TTC21B: variants seen among roughly 807,000 people sequenced by gnomAD.
The protein encoded by TTC21B is tetratricopeptide repeat protein 21B.
A neutral mutation model predicts 175.1 loss-of-function variants in TTC21B; 127 were observed. The ratio of observed to expected loss-of-function variants is 0.73; its 90% confidence interval spans 0.63 to 0.84. TTC21B has a LOEUF of 0.84. Ranked by LOEUF, TTC21B falls within the 40% of genes least tolerant of loss-of-function variation. TTC21B has a pLI of 0.00. For synonymous variants in TTC21B, 524 were observed against 524.5 expected (o/e 1.00, Z 0.01); for missense variants, 1,561 against 1,558.3 (o/e 1.00, Z -0.03).
chr2:165,891,182 G>C (rs538455384), intron 22 of TTC21B, among the ~76,000 whole-genome samples, 194 bp from the exon 23 acceptor site: 1 of 151,898 alleles, frequency 6.6e-6, no homozygotes, highest in Non-Finnish European at 1.5e-5. Context: ...ATACAGTTTG[G>C]GCTAGGCTGG....
rs112062958 is a variant in TTC21B at position 165,896,849 on chromosome 2, T to C, written c.2950+1837A>G. Among the ~76,000 whole-genome samples, 1,362 of 152,350 alleles carry C rather than the reference T, an allele frequency of 8.9e-3. 14 individuals are homozygous for C. Among genetic ancestry groups the C allele is most frequent in the African/African-American group, 0.03 (1,249 of 41,580 alleles). ...TAAAAGATAACATTTCCCACCTTCT[T>C]TTGCAGCCACGGAGGTGATACTACT... is the stretch of plus-strand genomic sequence containing the variant. On this transcript the variant is annotated intron_variant, in intron 22 of 28. Transcript: ENST00000243344.
rs1687522900 is a variant in TTC21B at position 165,945,546 on chromosome 2, T to C, written c.407A>G (p.Lys136Arg). 4 of 1,613,520 alleles carry C rather than the reference T, an allele frequency of 2.5e-6. No individual in the cohort carries two copies. Among genetic ancestry groups the C allele is most frequent in the Admixed American group, 1.7e-5 (1 of 60,002 alleles). ...TACCTGTTTACTACCATCTGATATT[T>C]TGATCATTCTGTCAATATATTCCCT... The part of the protein sequence containing the change: ...KAREYIDRMI[K>R]ISDGSKQGHV... The change falls in exon 4 of 29, where the codon AAA becomes AGA. Residue 136 changes from lysine to arginine, a missense_variant. By Grantham distance (26) the Lys-to-Arg change is conservative. Coordinates refer to ENST00000243344, the MANE Select transcript of TTC21B (RefSeq NM_024753.5).
At chr2:165,880,953 G>A (rs1222973098) in intron 26 of TTC21B, among the ~76,000 whole-genome samples, 154 bp from the exon 27 acceptor site, 1 of 152,108 alleles carries the variant, frequency 6.6e-6, no homozygotes, top group African/African-American at 2.4e-5. Context: ...ATTTTTTACT[G>A]AACTTAATAA....
At chr2:165,919,910 CTAAGGATA>C (rs1439108264) in intron 12 of TTC21B, among the ~76,000 whole-genome samples, 3 of 151,874 alleles carry the variant, frequency 2.0e-5, no homozygotes, top group African/African-American at 7.3e-5. Context: ...CAAAAAAGGC[CTAAGGATA>C]TACTTCAGAG....
chr2:165,951,890 G>A (rs1332057685), intron 1 of TTC21B, among the ~76,000 whole-genome samples: 2 of 152,176 alleles, frequency 1.3e-5, no homozygotes, highest in African/African-American at 4.8e-5. Context: ...AAAACTGAAT[G>A]TGGTGTGAGG....
chr2:165,901,865 G>A lies in TTC21B; in HGVS notation c.2614C>T (p.Gln872Ter), dbSNP rs1168548075. Residue 872 changes from glutamine (Q) to a stop codon, truncating the protein, a stop_gained, in exon 20 of 29, where the codon CAG (glutamine) becomes TAG (stop). Transcript: ENST00000243344. LOFTEE classifies it high-confidence loss of function. The stretch of plus-strand genomic sequence containing the variant: ...TTCTGTGCAGGAACTGCATCTGGCT[G>A]TTCCATCTGAACACGTTTTAGTACC... The part of the protein sequence containing the change: ...ARVLKRVQME[Q>*]PDAVPAQKHL... The A allele has an allele frequency of 1.2e-6, 2 of 1,613,456 alleles. No individual in the cohort carries two copies. The highest frequency in any genetic ancestry group is 1.7e-5 in the Admixed American group (1 of 59,948).
At chr2:165,949,330 T>C in intron 3 of TTC21B, 64 bp downstream of exon 3, 1 of 1,216,804 alleles carries the variant, frequency 8.2e-7, no homozygotes, top group Non-Finnish European at 1.2e-6. Context: ...ACTTGGTAAC[T>C]GAGAAAAATA....
At chr2:165,930,067 A>C (rs1199274496) in intron 9 of TTC21B, 105 bp downstream of exon 9, 3 of 1,088,372 alleles carry the variant, frequency 2.8e-6, no homozygotes, top group Non-Finnish European at 4.1e-6. Context: ...AGAACAATTT[A>C]AGTTTAGAAA....
chr2:165,889,269 C>T (rs915528741), intron 24 of TTC21B, among the ~76,000 whole-genome samples: 4 of 152,184 alleles, frequency 2.6e-5, no homozygotes, highest in Non-Finnish European at 5.9e-5. Flanking sequence ...CAAAGTTCTT[C>T]TCCCTTGGCT....
chr2:165,916,404 A>C (rs1686178587), intron 14 of TTC21B, among the ~76,000 whole-genome samples: 1 of 152,206 alleles, frequency 6.6e-6, no homozygotes, highest in Non-Finnish European at 1.5e-5. Flanking sequence ...AATGACTTTG[A>C]GTTCCTCATT....
At chr2:165,891,074 T>G in intron 22 of TTC21B, 86 bp from the exon 23 acceptor site, 1 of 1,165,130 alleles carries the variant, frequency 8.6e-7, no homozygotes, top group Non-Finnish European at 1.3e-6. Context: ...AGAGTATAAT[T>G]TACTTCATAT....
At chr2:165,937,771 C>CCACACACCACACA (rs1205195669) in intron 6 of TTC21B, among the ~76,000 whole-genome samples, 109 of 127,634 alleles carry the variant, frequency 8.5e-4, no homozygotes, top group African/African-American at 3.2e-3. Context: ...TATATAGAAA[C>CCACACACCACACA]CACACACACA....
intron 20 of TTC21B, among the ~76,000 whole-genome samples, chr2:165,900,090 A>C (rs1685506504): frequency 6.6e-6 from 1 of 150,616 alleles, no homozygotes; most frequent in South Asian, 2.1e-4. Context: ...AGAAACAGGT[A>C]GTAACTCACT....
Position 165,953,741 on chromosome 2 carries a change from T to C in TTC21B, c.-36A>G. On this transcript the variant is annotated 5_prime_UTR_variant, in exon 1 of 29. Transcript: ENST00000243344. ...AGGCCGGGCCGCGGGGCTCTGGGGA[T>C]TGTCTCGCCGCAGCCTAAAGGAAGA... 2 of 1,541,376 alleles carry C rather than the reference T, an allele frequency of 1.3e-6. No individual in the cohort carries two copies. The highest frequency in any genetic ancestry group is 1.4e-5 in the African/African-American group (1 of 72,872).
At chr2:165,888,809 T>C (rs975573680) in intron 24 of TTC21B, among the ~76,000 whole-genome samples, 3 of 152,062 alleles carry the variant, frequency 2.0e-5, no homozygotes, top group African/African-American at 7.3e-5. Flanking sequence ...AATCAGAAAA[T>C]TAACATATAT....
At chr2:165,930,709 T>C (rs1686857387) in intron 8 of TTC21B, among the ~76,000 whole-genome samples, 1 of 143,406 alleles carries the variant, frequency 7.0e-6, no homozygotes, top group Non-Finnish European at 1.5e-5. Context: ...AAAACCATTA[T>C]TTTATGGTTA....
chr2:165,934,556 A>T (rs1343048380), intron 6 of TTC21B, among the ~76,000 whole-genome samples: 1 of 150,638 alleles, frequency 6.6e-6, no homozygotes, highest in African/African-American at 2.4e-5. Context: ...AACTTGTGAT[A>T]AAAATTATCA....
intron 22 of TTC21B, among the ~76,000 whole-genome samples, chr2:165,893,651 G>A (rs1480059299): frequency 6.6e-6 from 1 of 152,100 alleles, no homozygotes; most frequent in Non-Finnish European, 1.5e-5. Flanking sequence ...GTTATAGGGT[G>A]ATGAGATGTG....
rs929984183 is a variant in TTC21B at position 165,953,762 on chromosome 2, G to T, written c.-57C>A. 3.7e-5 allele frequency: 57 copies of T among 1,545,964 alleles called. 1 individual carries two copies. The highest frequency in any genetic ancestry group is 3.5e-4 in the South Asian group (29 of 83,994). ...GGGATTGTCTCGCCGCAGCCTAAAG[G>T]AAGACGCAGAATTCAGCTCCCCTAG... is the stretch of plus-strand genomic sequence containing the variant. On this transcript the variant is annotated 5_prime_UTR_variant, in exon 1 of 29. Transcript: ENST00000243344.
Sources: gnomAD v4.1 joint callset for allele counts (sites outside exome capture counted in the v4.1 genomes callset) on GRCh38, gnomAD v4.1.1 for gene constraint, MANE v1.5 for transcripts, NCBI Gene and HGNC (gene_info 2026-07-23, HGNC 2026-07-21) for gene names.